Variants in OR6C2 observed in about 807,000 individuals in gnomAD.
The protein encoded by OR6C2 is olfactory receptor 6C2.
For synonymous variants in OR6C2, 146 were observed against 134.2 expected (o/e 1.09, Z -0.61); for missense variants, 435 against 365.8 (o/e 1.19, Z -1.54).
At chr12:55,446,491 C>T (rs1314983603) in intron 1 of OR6C2, among the ~76,000 whole-genome samples, 1 of 152,150 alleles carries the variant, frequency 6.6e-6, no homozygotes, top group Non-Finnish European at 1.5e-5. Context: ...TTGTGCATGG[C>T]TTGCATCATA....
intron 1 of OR6C2, among the ~76,000 whole-genome samples, chr12:55,446,702 A>G (rs1467572080): frequency 6.6e-6 from 1 of 152,188 alleles, no homozygotes; most frequent in African/African-American, 2.4e-5. Flanking sequence ...TTGAGTGTGG[A>G]GAACAAAAGC....
At position 55,452,685 on chromosome 12, in the gene OR6C2, C is replaced by T. The variant is rs746607027; in HGVS notation, c.472C>T (p.Leu158Phe). ...VAGLMIIVPP[L>F]SLGLQLEFCD... Reference sequence around the variant, plus strand: ...TGGCTTGATGATCATTGTTCCACCACTTAGCTTAGGCCTCCAGCTCGAATT... The same window carrying T: ...TGGCTTGATGATCATTGTTCCACCATTTAGCTTAGGCCTCCAGCTCGAATT... The change falls in exon 2 of 2, where the codon CTT (leucine) becomes TTT (phenylalanine). Residue 158 changes from leucine (L) to phenylalanine (F), a missense_variant. Physicochemically the swap from Leu to Phe is conservative, Grantham distance 22. Transcript: ENST00000641202. The T allele has an allele frequency of 6.2e-6, 10 of 1,613,780 alleles. No individual in the cohort carries two copies. In the South Asian group the frequency reaches 1.1e-4, roughly 18 times the overall value.
Position 55,452,753 on chromosome 12 carries a change from T to G in OR6C2, c.540T>G (p.Gly180=). 4 of 1,613,864 alleles carry G rather than the reference T, an allele frequency of 2.5e-6. No homozygotes were observed. The highest frequency in any genetic ancestry group is 3.4e-6 in the Non-Finnish European group (4 of 1,179,806). Residue 180 remains glycine (G), a synonymous_variant, in exon 2 of 2, where the codon GGT becomes GGG. Coordinates refer to ENST00000641202, the MANE Select transcript of OR6C2 (RefSeq NM_054105.2). ...TTGATCATTTTAGCTGTGATGCAGG[T>G]CCTCTCCTAAAGATCTCATGCTCAG... is the stretch of plus-strand genomic sequence containing the variant. The part of the protein sequence containing the change: ...NAIDHFSCDA[G]PLLKISCSDT...
intron 1 of OR6C2, among the ~76,000 whole-genome samples, chr12:55,448,511 A>G (rs1871402738): frequency 6.7e-6 from 1 of 149,046 alleles, no homozygotes; most frequent in South Asian, 2.1e-4. Flanking sequence ...AAACTTAACC[A>G]TGATTACCCC....
intron 1 of OR6C2, among the ~76,000 whole-genome samples, chr12:55,448,997 A>G (rs1225515197): frequency 6.6e-6 from 1 of 151,990 alleles, no homozygotes; most frequent in African/African-American, 2.4e-5. Flanking sequence ...GGGCAACTAA[A>G]TGAACCTTCT....
rs954948091 is a variant in OR6C2, at chr12:55,448,323, ATTACTACCAT to A, written c.-887-3000_-887-2991del. 2.3e-4 allele frequency among the ~76,000 whole-genome samples: 35 copies of A among 151,776 alleles called. 1 individual carries two copies. The highest frequency in any genetic ancestry group is 1.9e-3 in the Admixed American group (29 of 15,230). ...TTCTAAATTCCCCAGCATTCTCCAA[ATTACTACCAT>A]TTATCTGTTCATTTTGAAAATATAA... On this transcript the variant is annotated intron_variant, in intron 1 of 1. Coordinates refer to ENST00000641202, the MANE Select transcript of OR6C2 (RefSeq NM_054105.2).
intron 1 of OR6C2, among the ~76,000 whole-genome samples, chr12:55,449,667 G>A (rs1162527214): frequency 1.3e-5 from 2 of 151,382 alleles, no homozygotes; most frequent in African/African-American, 4.9e-5. Flanking sequence ...AAAACAGAGA[G>A]TAAAACAATT....
chr12:55,452,670 A>C lies in OR6C2; in HGVS notation c.457A>C (p.Ile153Leu), dbSNP rs1420496776. Residue 153 changes from isoleucine to leucine, a missense_variant, in exon 2 of 2, where the codon ATC (isoleucine) becomes CTC (leucine). Coordinates refer to ENST00000641202, the MANE Select transcript of OR6C2 (RefSeq NM_054105.2). ...VLCCWVAGLM[I>L]IVPPLSLGLQ... ...CTGCTGTTGGGTGGCTGGCTTGATGATCATTGTTCCACCACTTAGCTTAGG... is the reference window on the plus strand; with the variant it reads ...CTGCTGTTGGGTGGCTGGCTTGATGCTCATTGTTCCACCACTTAGCTTAGG... The C allele has an allele frequency of 6.2e-7, 1 of 1,613,606 alleles. No individual in the cohort carries two copies. Among genetic ancestry groups the C allele is most frequent in the East Asian group, 2.2e-5 (1 of 44,876 alleles).
rs1442220193 is a variant in OR6C2 at position 55,452,723 on chromosome 12, T to C, written c.510T>C (p.Asn170=). 1 of 1,613,716 alleles carries C rather than the reference T, an allele frequency of 6.2e-7. No individual in the cohort carries two copies. Among genetic ancestry groups the C allele is most frequent in the Non-Finnish European group, 8.5e-7 (1 of 1,179,828 alleles). The change falls in exon 2 of 2, where the codon AAT becomes AAC. Residue 170 remains asparagine (N), a synonymous_variant. Coordinates refer to ENST00000641202, the MANE Select transcript of OR6C2 (RefSeq NM_054105.2). ...TCCAGCTCGAATTCTGTGACTCCAA[T>C]GCCATTGATCATTTTAGCTGTGATG... ...LGLQLEFCDS[N]AIDHFSCDAG...
Position 55,453,080 on chromosome 12 carries a change from C to T in OR6C2, c.867C>T (p.Thr289=), listed in dbSNP as rs759462404. The part of the protein sequence containing the change: ...VAPLLNPFIY[T]LRNKQVKQAF... Reference sequence around the variant, plus strand: ...CCTTGTTGAACCCCTTCATTTACACCTTGAGGAACAAGCAAGTGAAACAAG... The same window carrying T: ...CCTTGTTGAACCCCTTCATTTACACTTTGAGGAACAAGCAAGTGAAACAAG... The change falls in exon 2 of 2, where the codon ACC becomes ACT. Residue 289 remains threonine, a synonymous_variant. Coordinates refer to ENST00000641202, the MANE Select transcript of OR6C2 (RefSeq NM_054105.2). 6.2e-7 allele frequency: 1 copy of T among 1,613,332 alleles called. No homozygotes were observed. The highest frequency in any genetic ancestry group is 1.7e-5 in the Admixed American group (1 of 59,870).
chr12:55,452,939 C>T lies in OR6C2; in HGVS notation c.726C>T (p.His242=), dbSNP rs747452257. The change falls in exon 2 of 2, where the codon CAC becomes CAT. Residue 242 remains histidine (H), a synonymous_variant. Transcript: ENST00000641202. ...RKKAFSTCSS[H]MIVVSIAYGS... ...AGGCCTTTTCTACCTGTTCATCCCACATGATTGTGGTTTCCATTGCCTATG... is the reference window on the plus strand; with the variant it reads ...AGGCCTTTTCTACCTGTTCATCCCATATGATTGTGGTTTCCATTGCCTATG... 2.5e-6 allele frequency: 4 copies of T among 1,613,768 alleles called. No individual in the cohort carries two copies. The South Asian group carries it at 4.4e-5, about 18-fold the overall frequency.
At chr12:55,449,207 G>A (rs532543182) in intron 1 of OR6C2, among the ~76,000 whole-genome samples, 2 of 151,952 alleles carry the variant, frequency 1.3e-5, no homozygotes, top group South Asian at 4.2e-4. Flanking sequence ...AAGCATAGCA[G>A]CAATTCTAAT....
Position 55,452,479 on chromosome 12 carries a change from C to A in OR6C2, c.266C>A (p.Thr89Asn), listed in dbSNP as rs778031632. ...TACAATATATCAATGGGGGACAATACCATTACCTACAATGCTTGTGCCAGT... is the reference window on the plus strand; with the variant it reads ...TACAATATATCAATGGGGGACAATAACATTACCTACAATGCTTGTGCCAGT... The part of the protein sequence containing the change: ...FLYNISMGDN[T>N]ITYNACASQI... Residue 89 changes from threonine (T) to asparagine (N), a missense_variant, in exon 2 of 2, where the codon ACC (threonine) becomes AAC (asparagine). Physicochemically the swap from Thr to Asn is moderately conservative, Grantham distance 65 (BLOSUM62 0). Transcript: ENST00000641202. 6.2e-6 allele frequency: 10 copies of A among 1,613,692 alleles called. No individual in the cohort carries two copies. The Middle Eastern group carries it at 6.6e-4, about 106-fold the overall frequency.
At position 55,452,770 on chromosome 12, in the gene OR6C2, C is replaced by T. The variant is rs1342559489; in HGVS notation, c.557C>T (p.Ser186Leu). ...GATGCAGGTCCTCTCCTAAAGATCT[C>T]ATGCTCAGATACATGGGTAATAGAA... ...SCDAGPLLKI[S>L]CSDTWVIEQM... The change falls in exon 2 of 2, where the codon TCA (serine) becomes TTA (leucine). Residue 186 changes from serine (S) to leucine (L), a missense_variant. Coordinates refer to ENST00000641202, the MANE Select transcript of OR6C2 (RefSeq NM_054105.2). The T allele has an allele frequency of 6.2e-7, 1 of 1,613,848 alleles. No individual in the cohort carries two copies. The highest frequency in any genetic ancestry group is 1.7e-5 in the Admixed American group (1 of 59,970).
At chr12:55,450,556 C>T (rs1871448825) in intron 1 of OR6C2, among the ~76,000 whole-genome samples, 2 of 152,076 alleles carry the variant, frequency 1.3e-5, no homozygotes, top group African/African-American at 4.8e-5. Flanking sequence ...TGACTTAGAG[C>T]ATGTGGTATG....
Position 55,448,080 on chromosome 12 carries a change from T to A in OR6C2, c.-887-3247T>A, listed in dbSNP as rs76018671. ...ATATCTCATTGTAGTTTGATATGCATTTCCCTGATAATTGATGATATTAAG... is the reference window on the plus strand; with the variant it reads ...ATATCTCATTGTAGTTTGATATGCAATTCCCTGATAATTGATGATATTAAG... On this transcript the variant is annotated intron_variant, in intron 1 of 1. Transcript: ENST00000641202. Among the ~76,000 whole-genome samples the A allele has an allele frequency of 1.6e-3, 238 of 152,180 alleles. 1 individual carries two copies. Among genetic ancestry groups the A allele is most frequent in the African/African-American group, 5.4e-3 (224 of 41,564 alleles).
At position 55,452,466 on chromosome 12, in the gene OR6C2, A is replaced by T; in HGVS notation, c.253A>T (p.Met85Leu). Residue 85 changes from methionine to leucine, a missense_variant, in exon 2 of 2, where the codon ATG (methionine) becomes TTG (leucine). Transcript: ENST00000641202. ...TCCCAGATTCTTGTACAATATATCA[A>T]TGGGGGACAATACCATTACCTACAA... Reference protein sequence around the residue: ...CIPRFLYNISMGDNTITYNAC... With the variant: ...CIPRFLYNISLGDNTITYNAC... 1 of 1,613,704 alleles carries T rather than the reference A, an allele frequency of 6.2e-7. No homozygotes were observed. Among genetic ancestry groups the T allele is most frequent in the Non-Finnish European group, 8.5e-7 (1 of 1,179,688 alleles).
In OR6C2 at chr12:55,452,887, A is replaced by G. The variant is rs1038555037; in HGVS notation, c.674A>G (p.Lys225Arg). ...TTGTACATAGTCAGAACAATTCTGA[A>G]GTTCCCTTCTGTTCAGCAAAGGAAA... Reference protein sequence around the residue: ...SYLYIVRTILKFPSVQQRKKA... With the variant: ...SYLYIVRTILRFPSVQQRKKA... Residue 225 changes from lysine to arginine, a missense_variant, in exon 2 of 2, where the codon AAG becomes AGG. Transcript: ENST00000641202. 9.9e-6 allele frequency: 16 copies of G among 1,613,726 alleles called. No homozygotes were observed. Among genetic ancestry groups the G allele is most frequent in the African/African-American group, 1.3e-5 (1 of 74,886 alleles).
intron 1 of OR6C2, among the ~76,000 whole-genome samples, chr12:55,444,660 G>A (rs1284628788): frequency 6.6e-6 from 1 of 152,118 alleles, no homozygotes; most frequent in East Asian, 1.9e-4. Context: ...GACGATCAAG[G>A]CGTAGAAGAC....
Sources: allele counts gnomAD v4.1 joint callset (sites outside exome capture counted in the v4.1 genomes callset), GRCh38; gene constraint gnomAD v4.1.1; transcripts MANE v1.5; gene names NCBI Gene and HGNC (gene_info 2026-07-23, HGNC 2026-07-21).